SFT2D1: variants seen among roughly 807,000 people sequenced by gnomAD.
SFT2D1 encodes vesicle transport protein SFT2A.
In SFT2D1, 24 loss-of-function variants were observed where a neutral mutation model predicts 28.1. The ratio of observed to expected loss-of-function variants is 0.85; its 90% CI spans 0.62 to 1.20. The LOEUF (loss-of-function observed/expected upper bound fraction) is 1.20. Ranked by LOEUF, SFT2D1 falls within the 50% of genes most tolerant of loss-of-function variation. SFT2D1 has a pLI of 0.00. For missense variants in SFT2D1, 181 were observed against 190.9 expected (o/e 0.95, Z 0.31); for synonymous variants, 82 against 73.7 (o/e 1.11, Z -0.58).
intron 1 of SFT2D1, among the ~76,000 whole-genome samples, chr6:166,334,084 A>G (rs4144886): frequency 0.21 from 32,195 of 152,220 alleles, 3,632 homozygotes; most frequent in East Asian, 0.34. Context: ...CTGAAAATGC[A>G]TCCATCAACT....
intron 1 of SFT2D1, among the ~76,000 whole-genome samples, chr6:166,332,499 C>T (rs1263207251): frequency 6.6e-6 from 1 of 152,224 alleles, no homozygotes; most frequent in Non-Finnish European, 1.5e-5. Context: ...CAAGTGATCA[C>T]CCGCCTCGGT....
chr6:166,337,756 T>C (rs1282810132), intron 1 of SFT2D1, among the ~76,000 whole-genome samples: 1 of 152,234 alleles, frequency 6.6e-6, no homozygotes, highest in Non-Finnish European at 1.5e-5. Context: ...GATAAATTAA[T>C]GCCATTTGTA....
chr6:166,335,373 A>G (rs1434291669), intron 1 of SFT2D1: 30 of 574,632 alleles, frequency 5.2e-5, no homozygotes, highest in South Asian at 1.2e-4. Context: ...GATTTTGGCA[A>G]TTACAACAAT....
chr6:166,328,597 G>A (rs1472932902), intron 3 of SFT2D1, among the ~76,000 whole-genome samples: 1 of 152,168 alleles, frequency 6.6e-6, no homozygotes, highest in East Asian at 1.9e-4. Context: ...ATGAAGACCG[G>A]ACTAGGCTGT....
chr6:166,342,201 G>GC (rs34304424), intron 1 of SFT2D1, among the ~76,000 whole-genome samples: 1 of 67,758 alleles, frequency 1.5e-5, no homozygotes, highest in African/African-American at 4.0e-5. Flanking sequence ...TGGGAGAGTC[G>GC]GGGGGGGGCC....
intron 4 of SFT2D1, among the ~76,000 whole-genome samples, chr6:166,328,051 G>GC (rs1562443431): frequency 6.6e-6 from 1 of 151,850 alleles, no homozygotes; most frequent in African/African-American, 2.4e-5. Context: ...GCCCACCTTG[G>GC]CCCCCCAAAG....
rs747358612 is a variant in SFT2D1, at chr6:166,324,614, G to T, written c.352-19C>A. On this transcript the variant is annotated intron_variant, in intron 5 of 7. Transcript: ENST00000361731. ...TATGCCACTAACAACAGCAAAAACA[G>T]AGCAATTATGAGTTTCAAAGTTTTA... The T allele has an allele frequency of 8.7e-6, 14 of 1,601,734 alleles. No homozygotes were observed. In the South Asian group the frequency reaches 1.6e-4, roughly 18 times the overall value.
chr6:166,328,165 A>G (rs1298586052), intron 4 of SFT2D1, 111 bp downstream of exon 4: 1 of 467,842 alleles, frequency 2.1e-6, no homozygotes, highest in Non-Finnish European at 3.5e-6. Context: ...ATAATAATAA[A>G]AAAAAATAAA....
chr6:166,327,879 C>A (rs1778477591), intron 4 of SFT2D1, among the ~76,000 whole-genome samples: 1 of 152,164 alleles, frequency 6.6e-6, no homozygotes, highest in South Asian at 2.1e-4. Flanking sequence ...TGGCTCACTG[C>A]AACCTCCACC....
At chr6:166,342,280 G>T in intron 1 of SFT2D1, 139 bp downstream of exon 1, 1 of 658,766 alleles carries the variant, frequency 1.5e-6, no homozygotes, top group Non-Finnish European at 2.4e-6. Flanking sequence ...GAAGCAGGCG[G>T]AGCCCTCCTA....
chr6:166,337,005 C>A (rs932551154), intron 1 of SFT2D1, among the ~76,000 whole-genome samples: 1 of 152,212 alleles, frequency 6.6e-6, no homozygotes, highest in Admixed American at 6.5e-5. Flanking sequence ...CAGACCACAG[C>A]ACTGTGAGTG....
Position 166,322,566 on chromosome 6 carries a change from G to A in SFT2D1, c.440+291C>T, listed in dbSNP as rs147422315. On this transcript the variant is annotated intron_variant, in intron 7 of 7. Coordinates refer to ENST00000361731, the MANE Select transcript of SFT2D1 (RefSeq NM_145169.3). ...AAATTAGCCGGGCATGGCAGTACGC[G>A]CCTGTAGTCCCAGCTACTTAGGAGG... Among the ~76,000 whole-genome samples the A allele has an allele frequency of 8.2e-4, 125 of 151,552 alleles. 1 individual carries two copies. The East Asian group carries it at 0.02, about 24-fold the overall frequency.
rs918372432 is a variant in SFT2D1 at position 166,324,462 on chromosome 6, T to C, written c.410+75A>G. 5.5e-6 allele frequency: 8 copies of C among 1,447,872 alleles called. No individual in the cohort carries two copies. The South Asian group carries it at 9.8e-5, about 18-fold the overall frequency. 89.7% of individuals were successfully genotyped at this position (1,447,872 alleles called of 1,614,324 possible). ...AAAACACCAGACGAAATGCTAGGGC[T>C]TCACAGGTCCCAAACAAAATGCTCG... On this transcript the variant is annotated intron_variant, in intron 6 of 7. Coordinates refer to ENST00000361731, the MANE Select transcript of SFT2D1 (RefSeq NM_145169.3).
chr6:166,329,338 G>A (rs1583037409), intron 3 of SFT2D1, among the ~76,000 whole-genome samples, 169 bp downstream of exon 3: 1 of 152,176 alleles, frequency 6.6e-6, no homozygotes, highest in Non-Finnish European at 1.5e-5. Context: ...TCTGTTATGG[G>A]AGACGGCATA....
Position 166,342,468 on chromosome 6 carries a change from C to G in SFT2D1, c.14G>C (p.Arg5Pro), listed in dbSNP as rs746833208. The G allele has an allele frequency of 1.3e-6, 2 of 1,555,864 alleles. No individual in the cohort carries two copies. The highest frequency in any genetic ancestry group is 4.8e-5 in the East Asian group (2 of 41,486). Residue 5 changes from arginine (R) to proline (P), a missense_variant, in exon 1 of 8, where the codon CGG (arginine) becomes CCG (proline). Arg to Pro is a moderately radical substitution (Grantham distance 103, BLOSUM62 -2). Coordinates refer to ENST00000361731, the MANE Select transcript of SFT2D1 (RefSeq NM_145169.3). ...GTCGTCCTGGCCGCTCAGGACTCGC[C>G]GCAGCTTCTCCATGGCCCTGTTACA... MEKL[R>P]RVLSGQDDEE... is the part of the protein sequence containing the mutation.
At chr6:166,337,262 G>A (rs542542823) in intron 1 of SFT2D1, among the ~76,000 whole-genome samples, 1 of 152,286 alleles carries the variant, frequency 6.6e-6, no homozygotes, top group African/African-American at 2.4e-5. Context: ...GCTGGCACAC[G>A]CCTGGCACAG....
At chr6:166,320,906 C>A (rs972138854) in intron 7 of SFT2D1, among the ~76,000 whole-genome samples, 2 of 152,200 alleles carry the variant, frequency 1.3e-5, no homozygotes, top group African/African-American at 4.8e-5. Flanking sequence ...GAGTTCAAGA[C>A]CAGCCTGGCC....
chr6:166,321,433 G>A (rs1370323085), intron 7 of SFT2D1, among the ~76,000 whole-genome samples: 2 of 152,008 alleles, frequency 1.3e-5, no homozygotes, highest in Non-Finnish European at 1.5e-5. Flanking sequence ...CCTTTCCTCC[G>A]CACCAAGAAG....
chr6:166,335,264 G>A, intron 1 of SFT2D1: 1 of 585,006 alleles, frequency 1.7e-6, no homozygotes, highest in South Asian at 1.4e-5. Flanking sequence ...TTTGGTGGCA[G>A]CTGTCCACAG....
Sources: gnomAD v4.1 joint callset for allele counts (sites outside exome capture counted in the v4.1 genomes callset) on GRCh38, gnomAD v4.1.1 for gene constraint, MANE v1.5 for transcripts, NCBI Gene and HGNC (gene_info 2026-07-23, HGNC 2026-07-21) for gene names.